The following SCARA3 variants were observed in gnomAD, a reference collection of about 807,000 sequenced individuals.
SCARA3 encodes the protein cellular stress response gene protein.
In SCARA3, 39 loss-of-function variants were observed where a neutral mutation model predicts 47.0. That is an observed-to-expected ratio of 0.83 (90% CI 0.64 to 1.08). The LOEUF is 1.08. Among genes scored for constraint, SCARA3 ranks in the 50% least tolerant of loss-of-function variants. The pLI is 0.00. For missense variants in SCARA3, 724 were observed against 792.3 expected, an observed-to-expected ratio of 0.91 and a Z score of 1.04; for synonymous variants, 356 against 334.1, an observed-to-expected ratio of 1.07 and a Z score of -0.71.
chr8:27,723,358 G>A, the SCARA3 span, among the ~76,000 whole-genome samples: 60 of 152,222 alleles, frequency 3.9e-4, no homozygotes, highest in African/African-American at 1.4e-3. Flanking sequence ...TAAATGGACC[G>A]ACTACAAAAT....
intron 1 of SCARA3, among the ~76,000 whole-genome samples, chr8:27,644,927 G>A (rs997077839): frequency 2.0e-5 from 3 of 151,880 alleles, no homozygotes; most frequent in Admixed American, 1.3e-4. Context: ...GGAAAAACAC[G>A]ACCCCCCCAA....
At chr8:27,668,046 C>T (rs1433096345) in intron 5 of SCARA3, among the ~76,000 whole-genome samples, 3 of 152,188 alleles carry the variant, frequency 2.0e-5, no homozygotes, top group Non-Finnish European at 4.4e-5. Flanking sequence ...CCTCCACTCA[C>T]GCTAGGCTGC....
chr8:27,675,158 C>T (rs1802248517), downstream of SCARA3, among the ~76,000 whole-genome samples: 2 of 152,182 alleles, frequency 1.3e-5, no homozygotes, highest in African/African-American at 4.8e-5. Flanking sequence ...CCTCTCCAAC[C>T]CAGGCAGGAC....
the SCARA3 span, among the ~76,000 whole-genome samples, chr8:27,715,817 A>AGAT: frequency 2.6e-3 from 363 of 140,652 alleles, 3 homozygotes; most frequent in East Asian, 0.041. The surrounding 1 kb of genome is among the most constrained non-coding windows in gnomAD (Gnocchi z 4.2). Context: ...ATAGATAGAT[A>AGAT]GATAGATGAT....
chr8:27,664,389 G>A (rs1318604321), intron 5 of SCARA3, among the ~76,000 whole-genome samples: 1 of 152,220 alleles, frequency 6.6e-6, no homozygotes, highest in Admixed American at 6.5e-5. Context: ...CAAGGCAGAT[G>A]TTGGTGACTC....
At chr8:27,726,272 G>C in the SCARA3 span, among the ~76,000 whole-genome samples, 1 of 152,146 alleles carries the variant, frequency 6.6e-6, no homozygotes, top group Admixed American at 6.5e-5. Flanking sequence ...TGGGTGTAGT[G>C]GTGTGCATCT....
At chr8:27,645,499 G>A (rs1199164791) in intron 1 of SCARA3, among the ~76,000 whole-genome samples, 1 of 152,260 alleles carries the variant, frequency 6.6e-6, no homozygotes. Context: ...AGATGGGCAT[G>A]TGCAACTCTG....
At chr8:27,715,820 TAGATGATAGATA>T in the SCARA3 span, among the ~76,000 whole-genome samples, 1 of 143,022 alleles carries the variant, frequency 7.0e-6, no homozygotes, top group African/African-American at 2.6e-5. The surrounding 1 kb of genome is among the most constrained non-coding windows in gnomAD (Gnocchi z 4.2). Context: ...GATAGATAGA[TAGATGATAGATA>T]GATAGATAGA....
chr8:27,721,238 A>G, the SCARA3 span, among the ~76,000 whole-genome samples: 16 of 152,292 alleles, frequency 1.1e-4, no homozygotes, highest in South Asian at 8.3e-4. Flanking sequence ...TTAAATAAAT[A>G]TACATATATA....
intron 4 of SCARA3, 82 bp downstream of exon 4, chr8:27,656,962 C>A: frequency 1.2e-6 from 1 of 865,820 alleles, no homozygotes; most frequent in Non-Finnish European, 2.0e-6. Flanking sequence ...AGTGCCCCAG[C>A]ACCAAGCAAC....
At chr8:27,660,565 G>GATAGATA (rs1801878004) in intron 5 of SCARA3, among the ~76,000 whole-genome samples, 2 of 150,028 alleles carry the variant, frequency 1.3e-5, no homozygotes, top group African/African-American at 5.0e-5. Context: ...ATAGATAATA[G>GATAGATA]ATAGATAGAT....
At chr8:27,731,520 C>T in the SCARA3 span, among the ~76,000 whole-genome samples, 7 of 151,620 alleles carry the variant, frequency 4.6e-5, no homozygotes, top group South Asian at 2.1e-4. Flanking sequence ...TGATGGTGCG[C>T]GCCTGTATTC....
chr8:27,707,730 T>G, the SCARA3 span, among the ~76,000 whole-genome samples: 1 of 150,420 alleles, frequency 6.6e-6, no homozygotes, highest in East Asian at 1.9e-4. Flanking sequence ...GCCAAGAGCC[T>G]GCCACAAAAA....
the SCARA3 span, among the ~76,000 whole-genome samples, chr8:27,683,302 G>T: frequency 6.6e-6 from 1 of 152,152 alleles, no homozygotes; most frequent in African/African-American, 2.4e-5. Flanking sequence ...CTGTAAAGAA[G>T]CATAAGGAAA....
chr8:27,714,507 A>G, the SCARA3 span, among the ~76,000 whole-genome samples: 1 of 152,088 alleles, frequency 6.6e-6, no homozygotes, highest in African/African-American at 2.4e-5. Flanking sequence ...GTATTTCTTT[A>G]TAGCCACACA....
chr8:27,727,005 C>A, the SCARA3 span, among the ~76,000 whole-genome samples: 1 of 152,092 alleles, frequency 6.6e-6, no homozygotes. Flanking sequence ...AACTCCTGAC[C>A]TGCAGTTATC....
chr8:27,669,172 G>A (rs527454305), intron 5 of SCARA3, among the ~76,000 whole-genome samples: 213 of 152,328 alleles, frequency 1.4e-3, no homozygotes, highest in African/African-American at 4.8e-3. Flanking sequence ...CACCCAGACA[G>A]GGAGGAGGGA....
intron 5 of SCARA3, among the ~76,000 whole-genome samples, chr8:27,669,990 G>A (rs574281193): frequency 1.3e-5 from 2 of 151,672 alleles, no homozygotes; most frequent in African/African-American, 4.9e-5. Flanking sequence ...TATGAGGGGT[G>A]GAGACTCTCA....
At chr8:27,673,563 T>C (rs569728714), downstream of SCARA3, among the ~76,000 whole-genome samples, 39 of 152,224 alleles carry the variant, frequency 2.6e-4, no homozygotes, top group Non-Finnish European at 4.7e-4. Flanking sequence ...GGTGGGTTGG[T>C]GCTTAGTTGA....
Sources: gnomAD v4.1 joint callset for allele counts (sites outside exome capture counted in the v4.1 genomes callset) on GRCh38, gnomAD v4.1.1 for gene constraint, Gnocchi (gnomAD v3.1) non-coding constraint, MANE v1.5 for transcripts, NCBI Gene and HGNC (gene_info 2026-07-23, HGNC 2026-07-21) for gene names.